Variants in CNTN1 observed in about 807,000 individuals in gnomAD.
The protein encoded by CNTN1 is contactin-1.
Under a neutral mutation model 126.4 loss-of-function variants are expected in CNTN1, and 38 were observed. That is an observed-to-expected ratio of 0.30 (90% CI 0.23 to 0.39). The LOEUF is 0.39. Among genes scored for constraint, CNTN1 ranks in the 10% least tolerant of loss-of-function variants. The pLI is 1.00. For missense variants in CNTN1, 1,009 were observed against 1,248.4 expected, an observed-to-expected ratio of 0.81 and a Z score of 2.89; for synonymous variants, 413 against 422.6, an observed-to-expected ratio of 0.98 and a Z score of 0.28.
At chr12:40,876,456 T>A (rs1943671274) in intron 1 of CNTN1, among the ~76,000 whole-genome samples, 1 of 152,020 alleles carries the variant, frequency 6.6e-6, no homozygotes, top group Non-Finnish European at 1.5e-5. Context: ...ATTAACCAAG[T>A]AAGATTGGAT....
rs141126384 is a variant in CNTN1, at chr12:40,942,732, C to T, written c.1380-865C>T. ...TGATACTTCATTTCTCCTTCAACAA[C>T]AAAAAGTACTCTGAAATGAGCTTCA... On this transcript the variant is annotated intron_variant, in intron 12 of 23. Coordinates refer to ENST00000551295, the MANE Select transcript of CNTN1 (RefSeq NM_001843.4). 3.4e-4 allele frequency among the ~76,000 whole-genome samples: 52 copies of T among 152,084 alleles called. No homozygotes were observed. In the East Asian group the frequency reaches 9.7e-3, roughly 28 times the overall value.
chr12:40,915,868 C>T (rs1301564430), intron 3 of CNTN1, among the ~76,000 whole-genome samples: 1 of 152,066 alleles, frequency 6.6e-6, no homozygotes, highest in East Asian at 1.9e-4. Flanking sequence ...AATTTCTATG[C>T]TACCACTGTT....
rs1950003192 is a variant in CNTN1 at position 41,064,252 on chromosome 12, A to T, written c.2981-5707A>T. 4.6e-5 allele frequency among the ~76,000 whole-genome samples: 7 copies of T among 151,856 alleles called. No individual in the cohort carries two copies. The South Asian group carries it at 1.5e-3, about 32-fold the overall frequency. On this transcript the variant is annotated intron_variant, in intron 23 of 23. Coordinates refer to ENST00000551295, the MANE Select transcript of CNTN1 (RefSeq NM_001843.4). ...AGCCAGAGACTTGGAAGATGCAGGCATTCAATTATCTGCTCCAGTGTGCCT... is the reference window on the plus strand; with the variant it reads ...AGCCAGAGACTTGGAAGATGCAGGCTTTCAATTATCTGCTCCAGTGTGCCT...
chr12:41,013,104 T>C (rs1385082675), intron 17 of CNTN1, among the ~76,000 whole-genome samples: 1 of 152,142 alleles, frequency 6.6e-6, no homozygotes, highest in Non-Finnish European at 1.5e-5. Context: ...AGGTGGTGTC[T>C]GATTTACATA....
chr12:40,943,917 T>C, intron 13 of CNTN1, 78 bp from the exon 14 acceptor site: 1 of 1,418,070 alleles, frequency 7.1e-7, no homozygotes, highest in Non-Finnish European at 9.7e-7. Flanking sequence ...AAAAATATAT[T>C]GGTTATTATT....
chr12:40,990,971 C>T (rs180857323), intron 16 of CNTN1, among the ~76,000 whole-genome samples: 2 of 152,282 alleles, frequency 1.3e-5, no homozygotes, highest in Non-Finnish European at 2.9e-5. Context: ...CCCTGCCAAA[C>T]TCAAGAATTA....
At chr12:40,929,707 T>C in intron 6 of CNTN1, 89 bp from the exon 7 acceptor site, 1 of 948,022 alleles carries the variant, frequency 1.1e-6, no homozygotes, top group Non-Finnish European at 1.7e-6. Context: ...TTTATTAGAT[T>C]AAGTGATAGC....
intron 14 of CNTN1, among the ~76,000 whole-genome samples, chr12:40,953,818 A>C (rs1055408194): frequency 6.6e-6 from 1 of 152,146 alleles, no homozygotes; most frequent in Non-Finnish European, 1.5e-5. Flanking sequence ...TCAGAATAAA[A>C]TAAGTGAATG....
chr12:40,971,048 C>T (rs1947492509), intron 15 of CNTN1, among the ~76,000 whole-genome samples: 1 of 152,132 alleles, frequency 6.6e-6, no homozygotes, highest in South Asian at 2.1e-4. Context: ...TTCAATCTAT[C>T]CTTATTACTT....
chr12:40,933,811 C>G lies in CNTN1; in HGVS notation c.918C>G (p.Gly306=). The G allele has an allele frequency of 1.9e-6, 3 of 1,612,426 alleles. 1 individual carries two copies. In the African/African-American group the frequency reaches 4.0e-5, roughly 22 times the overall value. The change falls in exon 9 of 24, where the codon GGC becomes GGG. Residue 306 remains glycine (G), a synonymous_variant. Coordinates refer to ENST00000551295, the MANE Select transcript of CNTN1 (RefSeq NM_001843.4). ...TCAATATTCAGCTAGAAGATGAAGG[C>G]ATCTATGAATGTGAGGCTGAGAACA... ...KIFNIQLEDE[G]IYECEAENIR...
chr12:40,857,233 AT>A (rs1942944294), intron 1 of CNTN1, among the ~76,000 whole-genome samples: 1 of 152,040 alleles, frequency 6.6e-6, no homozygotes, highest in African/African-American at 2.4e-5. Flanking sequence ...GTCAATTTTA[AT>A]AACAAATCTA....
At chr12:40,887,651 A>G (rs1342637413) in intron 1 of CNTN1, among the ~76,000 whole-genome samples, 1 of 151,994 alleles carries the variant, frequency 6.6e-6, no homozygotes, top group East Asian at 1.9e-4. Flanking sequence ...TGACCCAGCC[A>G]TCCCATTACT....
intron 1 of CNTN1, among the ~76,000 whole-genome samples, chr12:40,700,701 C>T (rs1941573229): frequency 6.6e-6 from 1 of 151,844 alleles, no homozygotes; most frequent in African/African-American, 2.4e-5. Flanking sequence ...TTATGAAAAA[C>T]AGATGGGTAC....
At chr12:40,952,159 A>G (rs1176169742) in intron 14 of CNTN1, among the ~76,000 whole-genome samples, 1 of 152,146 alleles carries the variant, frequency 6.6e-6, no homozygotes, top group Non-Finnish European at 1.5e-5. Flanking sequence ...ATTAAGCACT[A>G]CCTTGGAAAC....
intron 21 of CNTN1, among the ~76,000 whole-genome samples, chr12:41,025,931 A>G (rs58006173): frequency 0.014 from 2,130 of 152,256 alleles, 14 homozygotes; most frequent in Middle Eastern, 0.024. Flanking sequence ...ATTTTTATGT[A>G]GGACTCTAGG....
intron 6 of CNTN1, among the ~76,000 whole-genome samples, chr12:40,925,983 AT>A: frequency 6.6e-6 from 1 of 151,400 alleles, no homozygotes; most frequent in Non-Finnish European, 1.5e-5. Context: ...ACTTCACTGC[AT>A]CACTCATTGA....
At chr12:40,879,908 A>G in intron 1 of CNTN1, among the ~76,000 whole-genome samples, 1 of 152,146 alleles carries the variant, frequency 6.6e-6, no homozygotes, top group Non-Finnish European at 1.5e-5. Context: ...ATTAAAAGCA[A>G]GAAATTCGTA....
intron 1 of CNTN1, among the ~76,000 whole-genome samples, chr12:40,813,975 TG>T (rs1183987104): frequency 1.3e-5 from 2 of 152,042 alleles, no homozygotes; most frequent in Non-Finnish European, 2.9e-5. Flanking sequence ...ATATGTTTGT[TG>T]GCCGTGTAAA....
chr12:40,876,244 C>T (rs1943663482), intron 1 of CNTN1, among the ~76,000 whole-genome samples: 1 of 151,804 alleles, frequency 6.6e-6, no homozygotes, highest in Non-Finnish European at 1.5e-5. Flanking sequence ...CTTTGTTTAC[C>T]AGACACGGCA....
Sources: gnomAD v4.1 joint callset for allele counts (sites outside exome capture counted in the v4.1 genomes callset) on GRCh38, gnomAD v4.1.1 for gene constraint, MANE v1.5 for transcripts, NCBI Gene and HGNC (gene_info 2026-07-23, HGNC 2026-07-21) for gene names.